SLC67A2: variants seen among roughly 807,000 people sequenced by gnomAD.
SLC67A2 encodes solute carrier family 67 member A2.
chr2:102,721,964 C>T, the SLC67A2 span, among the ~76,000 whole-genome samples: 1 of 152,180 alleles, frequency 6.6e-6, no homozygotes, highest in South Asian at 2.1e-4. Context: ...CTTCAGCCTC[C>T]CAGAGTGCTG....
the SLC67A2 span, chr2:102,726,978 AG>A: frequency 6.2e-7 from 1 of 1,611,998 alleles, no homozygotes. Context: ...AGCAGCCCTG[AG>A]GAAAGTAAGA....
At chr2:102,732,286 T>A in the SLC67A2 span, 22 of 1,520,364 alleles carry the variant, frequency 1.4e-5, no homozygotes, top group Non-Finnish European at 1.9e-5. Flanking sequence ...GATTTAAAAT[T>A]CAGTGCTCTA....
the SLC67A2 span, among the ~76,000 whole-genome samples, chr2:102,727,234 A>G: frequency 1.3e-5 from 2 of 152,216 alleles, no homozygotes; most frequent in African/African-American, 4.8e-5. Context: ...TAGCTAAGAA[A>G]GGCAGGAGAG....
the SLC67A2 span, among the ~76,000 whole-genome samples, chr2:102,734,252 A>G: frequency 1.3e-5 from 2 of 152,220 alleles, no homozygotes; most frequent in Non-Finnish European, 2.9e-5. Flanking sequence ...CTCAATGAAA[A>G]TGAATTATCA....
At chr2:102,721,799 G>A in the SLC67A2 span, among the ~76,000 whole-genome samples, 3 of 152,040 alleles carry the variant, frequency 2.0e-5, no homozygotes, top group Non-Finnish European at 4.4e-5. Flanking sequence ...TGACCTCCTG[G>A]GCTCAAACAA....
the SLC67A2 span, chr2:102,730,980 A>G: frequency 1.8e-5 from 29 of 1,582,144 alleles, 1 homozygote; most frequent in South Asian, 1.1e-5. Flanking sequence ...CAAGTCCCCA[A>G]TTTTACTACA....
At chr2:102,726,858 AGC>A in the SLC67A2 span, 1 of 1,605,662 alleles carries the variant, frequency 6.2e-7, no homozygotes, top group South Asian at 1.1e-5. Context: ...CCGGGACTCT[AGC>A]CAGGACAAAC....
At chr2:102,726,983 A>G in the SLC67A2 span, 2 of 1,611,312 alleles carry the variant, frequency 1.2e-6, no homozygotes, top group Middle Eastern at 1.7e-4. Flanking sequence ...CCCTGAGGAA[A>G]GTAAGAAAAA....
the SLC67A2 span, among the ~76,000 whole-genome samples, chr2:102,728,280 T>C: frequency 6.6e-6 from 1 of 152,148 alleles, no homozygotes; most frequent in Non-Finnish European, 1.5e-5. Context: ...TGGTCTCCAT[T>C]AGTCCCGGCT....
chr2:102,725,047 T>C, the SLC67A2 span, among the ~76,000 whole-genome samples: 1 of 152,212 alleles, frequency 6.6e-6, no homozygotes, highest in African/African-American at 2.4e-5. Context: ...ACGAAGACTG[T>C]GGTAAGAGTA....
chr2:102,718,697 A>C, the SLC67A2 span: 1 of 1,613,998 alleles, frequency 6.2e-7, no homozygotes, highest in East Asian at 2.2e-5. Flanking sequence ...GAAGGACAGG[A>C]GAGTGGAGGA....
the SLC67A2 span, chr2:102,736,684 G>A: frequency 3.7e-6 from 6 of 1,613,490 alleles, no homozygotes; most frequent in Admixed American, 3.3e-5. Context: ...AGGAAGCGGC[G>A]GGCTCCGACG....
the SLC67A2 span, among the ~76,000 whole-genome samples, chr2:102,735,574 G>C: frequency 6.6e-6 from 1 of 152,150 alleles, no homozygotes; most frequent in Non-Finnish European, 1.5e-5. Context: ...TACTGGATTA[G>C]CTCACACTCA....
At chr2:102,723,674 CA>C in the SLC67A2 span, 32 of 1,608,436 alleles carry the variant, frequency 2.0e-5, no homozygotes, top group African/African-American at 2.4e-4. Context: ...ATACACAAAA[CA>C]ATCTTCTCAT....
the SLC67A2 span, chr2:102,736,859 CG>C: frequency 4.5e-6 from 7 of 1,545,516 alleles, no homozygotes; most frequent in Admixed American, 1.3e-4. Flanking sequence ...GGACCTACCC[CG>C]GGAGCCCAGC....
chr2:102,719,310 T>C, the SLC67A2 span: 1 of 1,191,480 alleles, frequency 8.4e-7, no homozygotes, highest in African/African-American at 1.5e-5. Context: ...TACTAATCTA[T>C]ATTTTGGTAC....
At chr2:102,726,175 C>T in the SLC67A2 span, among the ~76,000 whole-genome samples, 4 of 152,152 alleles carry the variant, frequency 2.6e-5, no homozygotes, top group East Asian at 1.9e-4. Context: ...CCAGTGTCCC[C>T]GCTAACTGAC....
the SLC67A2 span, among the ~76,000 whole-genome samples, chr2:102,735,395 G>A: frequency 1.3e-5 from 2 of 152,204 alleles, no homozygotes; most frequent in Non-Finnish European, 1.5e-5. Context: ...TTGCATGGAG[G>A]TGGTGGCATG....
At chr2:102,734,318 A>G in the SLC67A2 span, among the ~76,000 whole-genome samples, 1 of 152,142 alleles carries the variant, frequency 6.6e-6, no homozygotes, top group Admixed American at 6.5e-5. Context: ...TGGAGGAAAA[A>G]AGTGGTTGAA....
Sources: allele counts gnomAD v4.1 joint callset (sites outside exome capture counted in the v4.1 genomes callset), GRCh38; gene constraint gnomAD v4.1.1; transcripts MANE v1.5; gene names NCBI Gene and HGNC (gene_info 2026-07-23, HGNC 2026-07-21).